The following PCDH15 variants were observed in gnomAD, a reference collection of about 807,000 sequenced individuals.
PCDH15 encodes protocadherin related 15.
A neutral mutation model predicts 178.5 loss-of-function variants in PCDH15; 129 were observed. That is an observed-to-expected ratio of 0.72 (90% confidence interval 0.63 to 0.84). PCDH15 has a LOEUF of 0.84. Ranked by LOEUF, PCDH15 falls within the 40% of genes least tolerant of loss-of-function variation. PCDH15 has a pLI of 0.00. For synonymous variants in PCDH15, 800 were observed against 732.0 expected (o/e 1.09, Z -1.50); for missense variants, 2,230 against 2,099.9 (o/e 1.06, Z -1.21).
At chr10:55,307,377 C>T (rs1460327141) in intron 1 of PCDH15, among the ~76,000 whole-genome samples, 1 of 151,794 alleles carries the variant, frequency 6.6e-6, no homozygotes, top group Non-Finnish European at 1.5e-5. Flanking sequence ...GTGGCAGGCG[C>T]CTGTAATCCC....
At position 54,304,158 on chromosome 10, in the gene PCDH15, G is replaced by T. The variant is rs551720948; in HGVS notation, c.876+13113C>A. Among the ~76,000 whole-genome samples the T allele has an allele frequency of 3.9e-5, 6 of 152,068 alleles. No individual in the cohort carries two copies. In the East Asian group the frequency reaches 9.7e-4, roughly 25 times the overall value. On this transcript the variant is annotated intron_variant, in intron 8 of 37. Coordinates refer to ENST00000644397, the MANE Select transcript of PCDH15 (RefSeq NM_001384140.1). ...GGTTTTTTCAATTTTATTTAAAAGA[G>T]CCAGCTGTTTTGTATCTTATTTACT...
chr10:54,100,042 T>A (rs1204746347), intron 15 of PCDH15, among the ~76,000 whole-genome samples: 1 of 152,180 alleles, frequency 6.6e-6, no homozygotes, highest in Non-Finnish European at 1.5e-5. Context: ...AATAGATATT[T>A]AATACACTTC....
intron 23 of PCDH15, among the ~76,000 whole-genome samples, chr10:53,951,052 T>C (rs1340260323): frequency 6.6e-6 from 1 of 152,200 alleles, no homozygotes; most frequent in Non-Finnish European, 1.5e-5. Context: ...ATTGAAATGA[T>C]TATTAGGCCA....
intron 1 of PCDH15, among the ~76,000 whole-genome samples, chr10:55,304,705 T>C (rs1843373917): frequency 1.3e-5 from 2 of 152,204 alleles, no homozygotes; most frequent in Admixed American, 1.3e-4. Context: ...ACTGAGCTAC[T>C]CAGTTTGAAC....
intron 8 of PCDH15, among the ~76,000 whole-genome samples, chr10:54,293,551 T>A (rs1042134872): frequency 3.3e-5 from 5 of 152,100 alleles, no homozygotes; most frequent in Non-Finnish European, 7.3e-5. Flanking sequence ...TGGGAGACAA[T>A]TTTTGCAATC....
At chr10:55,430,270 G>A (rs1838851748) in intron 2 of PCDH15, among the ~76,000 whole-genome samples, 1 of 151,312 alleles carries the variant, frequency 6.6e-6, no homozygotes, top group Non-Finnish European at 1.5e-5. Flanking sequence ...CAGCCTGGCT[G>A]ATGGAACAAG....
intron 1 of PCDH15, among the ~76,000 whole-genome samples, chr10:54,745,492 T>C (rs1682888398): frequency 6.6e-6 from 1 of 152,192 alleles, no homozygotes; most frequent in African/African-American, 2.4e-5. Context: ...AGTAGGCATG[T>C]TGCTATTGAT....
chr10:55,405,115 G>A (rs1838164724), intron 2 of PCDH15, among the ~76,000 whole-genome samples: 1 of 151,346 alleles, frequency 6.6e-6, no homozygotes, highest in Admixed American at 6.6e-5. Flanking sequence ...TAAAATATAA[G>A]TCATAAAGAT....
At chr10:55,323,774 T>G (rs1843963187), upstream of PCDH15, among the ~76,000 whole-genome samples, 1 of 152,148 alleles carries the variant, frequency 6.6e-6, no homozygotes, top group Non-Finnish European at 1.5e-5. Context: ...TGTGGAGTTT[T>G]GAGTTAATGC....
intron 4 of PCDH15, among the ~76,000 whole-genome samples, chr10:54,372,724 A>C (rs1018955281): frequency 6.6e-6 from 1 of 151,878 alleles, no homozygotes; most frequent in African/African-American, 2.4e-5. Context: ...CAAACAAAGA[A>C]GAAAAAAAAG....
chr10:55,503,242 TAAAC>T (rs1023235873), intron 2 of PCDH15, among the ~76,000 whole-genome samples: 6 of 151,064 alleles, frequency 4.0e-5, no homozygotes, highest in African/African-American at 1.2e-4. Flanking sequence ...TTAACAAAGA[TAAAC>T]AACGGTTTTC....
intron 1 of PCDH15, among the ~76,000 whole-genome samples, chr10:54,679,709 G>A (rs1214485185): frequency 1.3e-5 from 2 of 152,114 alleles, no homozygotes; most frequent in South Asian, 2.1e-4. Context: ...AAACTAATAA[G>A]AGAATGAACA....
chr10:54,868,239 A>C (rs1456964487), intron 3 of PCDH15, among the ~76,000 whole-genome samples: 3 of 152,172 alleles, frequency 2.0e-5, no homozygotes, highest in Non-Finnish European at 4.4e-5. Flanking sequence ...TGTATCCCAA[A>C]TTATAGATGT....
At chr10:54,966,686 G>C (rs1838800875) in intron 2 of PCDH15, among the ~76,000 whole-genome samples, 2 of 152,102 alleles carry the variant, frequency 1.3e-5, no homozygotes, top group African/African-American at 4.8e-5. Flanking sequence ...TCTCATGGTA[G>C]TGAATAAGTC....
In PCDH15 at chr10:54,508,346, A is replaced by T. The variant is rs559052072; in HGVS notation, c.157+19466T>A. 3.9e-5 allele frequency among the ~76,000 whole-genome samples: 6 copies of T among 152,150 alleles called. No individual in the cohort carries two copies. The East Asian group carries it at 9.7e-4, about 25-fold the overall frequency. On this transcript the variant is annotated intron_variant, in intron 3 of 37. Coordinates refer to ENST00000644397, the MANE Select transcript of PCDH15 (RefSeq NM_001384140.1). Reference sequence around the variant, plus strand: ...CTTGAAGTCAATATAGTACCATGGAATTAAAAACAAGAAAAAAACTGGGCA... The same window carrying T: ...CTTGAAGTCAATATAGTACCATGGATTTAAAAACAAGAAAAAAACTGGGCA...
At chr10:54,111,040 G>A (rs1488786099) in intron 15 of PCDH15, among the ~76,000 whole-genome samples, 1 of 152,132 alleles carries the variant, frequency 6.6e-6, no homozygotes, top group Non-Finnish European at 1.5e-5. Context: ...GTTCTCACTA[G>A]ACAACTGATA....
At chr10:54,833,807 A>G (rs1469586996) in intron 3 of PCDH15, among the ~76,000 whole-genome samples, 1 of 152,176 alleles carries the variant, frequency 6.6e-6, no homozygotes, top group African/African-American at 2.4e-5. Context: ...AATTAGAGTG[A>G]ATGCTAGTCT....
intron 1 of PCDH15, among the ~76,000 whole-genome samples, chr10:54,784,031 C>G (rs1224729838): frequency 1.3e-5 from 1 of 78,312 alleles, no homozygotes; most frequent in African/African-American, 5.1e-5. Flanking sequence ...GGAGAAGTGT[C>G]AAGTGAAGGG....
At chr10:54,738,575 A>C (rs1944404836) in intron 1 of PCDH15, among the ~76,000 whole-genome samples, 1 of 152,172 alleles carries the variant, frequency 6.6e-6, no homozygotes, top group East Asian at 1.9e-4. Flanking sequence ...CAGAATTACC[A>C]TACCAAAACC....
Sources: allele counts gnomAD v4.1 joint callset (sites outside exome capture counted in the v4.1 genomes callset), GRCh38; gene constraint gnomAD v4.1.1; transcripts MANE v1.5; gene names NCBI Gene and HGNC (gene_info 2026-07-23, HGNC 2026-07-21).